CEP135: variants seen among roughly 807,000 people sequenced by gnomAD.
The protein encoded by CEP135 is centrosomal protein of 135 kDa.
In CEP135, 142 loss-of-function variants were observed where a neutral mutation model predicts 157.3. The ratio of observed to expected loss-of-function variants is 0.90; its 90% CI spans 0.79 to 1.04. CEP135 has a LOEUF of 1.04. Among genes scored for constraint, CEP135 ranks in the 50% least tolerant of loss-of-function variants. The probability of loss-of-function intolerance (pLI) is 0.00; values close to 1 mark genes in which losing one functional copy is unlikely to be tolerated. For synonymous variants in CEP135, 396 were observed against 439.8 expected (o/e 0.90, Z 1.25); for missense variants, 1,317 against 1,309.2 (o/e 1.01, Z -0.09).
chr4:55,993,099 G>T (rs1486221342), intron 15 of CEP135, among the ~76,000 whole-genome samples: 2 of 152,112 alleles, frequency 1.3e-5, no homozygotes, highest in Non-Finnish European at 1.5e-5. Flanking sequence ...TTAAAAAAAA[G>T]ATTTAACAAA....
At chr4:55,995,398 G>A (rs577018119) in intron 15 of CEP135, among the ~76,000 whole-genome samples, 1 of 152,318 alleles carries the variant, frequency 6.6e-6, no homozygotes, top group East Asian at 1.9e-4. Flanking sequence ...AAGCGAAACA[G>A]AGGGTTGAGG....
At chr4:55,991,902 A>G in intron 14 of CEP135, 32 bp from the exon 15 acceptor site, 1 of 1,164,890 alleles carries the variant, frequency 8.6e-7, no homozygotes, top group Non-Finnish European at 1.2e-6. Flanking sequence ...GTATTAAGAT[A>G]TATACCTACT....
intron 6 of CEP135, 114 bp from the exon 7 acceptor site, chr4:55,964,160 A>T (rs1226394276): frequency 3.2e-6 from 3 of 930,004 alleles, no homozygotes; most frequent in Non-Finnish European, 4.7e-6. Context: ...ATGAATGTTA[A>T]TCTCTTGCAT....
At position 55,999,650 on chromosome 4, in the gene CEP135, G is replaced by A. The variant is rs566058079; in HGVS notation, c.2280+5G>A. 1.9e-6 allele frequency: 3 copies of A among 1,579,512 alleles called. No homozygotes were observed. In the African/African-American group the frequency reaches 4.1e-5, roughly 22 times the overall value. ...CAAGAAAACCTAGCTAATAAAGTAT[G>A]TGATCGTTTAATGTAATTTTCCAGC... On this transcript the variant is annotated splice_donor_5th_base_variant and intron_variant, in intron 17 of 25. Transcript: ENST00000257287.
At chr4:55,950,247 T>G (rs1560393698) in intron 1 of CEP135, among the ~76,000 whole-genome samples, 1 of 152,212 alleles carries the variant, frequency 6.6e-6, no homozygotes, top group Non-Finnish European at 1.5e-5. Context: ...CCCGTGGTTT[T>G]GGAAGAGTTA....
Position 55,969,099 on chromosome 4 carries a change from C to T in CEP135, c.1081C>T (p.Leu361Phe). The change falls in exon 9 of 26, where the codon CTT becomes TTT. Residue 361 changes from leucine (L) to phenylalanine (F), a missense_variant. Leu to Phe is a conservative substitution (Grantham distance 22). Coordinates refer to ENST00000257287, the MANE Select transcript of CEP135 (RefSeq NM_025009.5). The stretch of plus-strand genomic sequence containing the variant: ...AAGAAAGCTCTCTGAAATGCAGGAT[C>T]TTGAAGAAACAATGGCAAAACTTCA... ...IKRKLSEMQD[L>F]EETMAKLQLE... is the part of the protein sequence containing the mutation. 6.2e-7 allele frequency: 1 copy of T among 1,613,082 alleles called. No homozygotes were observed. Among genetic ancestry groups the T allele is most frequent in the Non-Finnish European group, 8.5e-7 (1 of 1,179,572 alleles).
At chr4:56,011,735 T>G in intron 20 of CEP135, 65 bp from the exon 21 acceptor site, 2 of 1,324,840 alleles carry the variant, frequency 1.5e-6, no homozygotes, top group Admixed American at 2.4e-5. Context: ...TATGTGTTTA[T>G]GACATAGGTG....
intron 11 of CEP135, among the ~76,000 whole-genome samples, chr4:55,976,378 T>C (rs1729217802): frequency 6.6e-6 from 1 of 152,230 alleles, no homozygotes; most frequent in African/African-American, 2.4e-5. Flanking sequence ...AGTGACTGAA[T>C]TGATCATTTT....
rs1730824213 is a variant in CEP135 at position 56,017,708 on chromosome 4, C to T, written c.2863C>T (p.Arg955Ter). The T allele has an allele frequency of 3.1e-6, 5 of 1,613,600 alleles. No individual in the cohort carries two copies. The highest frequency in any genetic ancestry group is 2.2e-5 in the East Asian group (1 of 44,834). ...QISSMAKAMS[R>*]LEEELRHQED... ...CTCATCAATGGCAAAAGCCATGTCTCGATTAGAAGAAGAGCTGAGACATCA... is the reference window on the plus strand; with the variant it reads ...CTCATCAATGGCAAAAGCCATGTCTTGATTAGAAGAAGAGCTGAGACATCA... Residue 955 changes from arginine to a stop codon, truncating the protein, a stop_gained, in exon 22 of 26, where the codon CGA becomes TGA. Coordinates refer to ENST00000257287, the MANE Select transcript of CEP135 (RefSeq NM_025009.5). LOFTEE classifies it high-confidence loss of function.
chr4:56,000,723 T>C (rs902152219), intron 17 of CEP135, among the ~76,000 whole-genome samples: 1 of 152,240 alleles, frequency 6.6e-6, no homozygotes, highest in Admixed American at 6.5e-5. Flanking sequence ...CGGGGGCAGA[T>C]ATTTCTTTGA....
intron 14 of CEP135, among the ~76,000 whole-genome samples, chr4:55,990,254 G>A (rs367764984): frequency 2.0e-5 from 3 of 152,106 alleles, no homozygotes; most frequent in South Asian, 2.1e-4. Context: ...TAAAAACCTC[G>A]CTTCTAGAGC....
chr4:56,021,174 A>G (rs1278682738), intron 24 of CEP135, among the ~76,000 whole-genome samples: 1 of 152,248 alleles, frequency 6.6e-6, no homozygotes, highest in Admixed American at 6.5e-5. Context: ...TGTATGGTTC[A>G]AGTAGGATGT....
At chr4:55,974,298 T>G (rs192542446) in intron 10 of CEP135, among the ~76,000 whole-genome samples, 14 of 152,348 alleles carry the variant, frequency 9.2e-5, no homozygotes, top group Admixed American at 3.9e-4. Flanking sequence ...GCAATTTCTA[T>G]GGTAAAAGCT....
At chr4:56,022,130 G>A (rs1174174301) in intron 24 of CEP135, among the ~76,000 whole-genome samples, 2 of 152,166 alleles carry the variant, frequency 1.3e-5, no homozygotes, top group Admixed American at 1.3e-4. Flanking sequence ...GTTTCTGAAT[G>A]TACTAAACTG....
intron 5 of CEP135, among the ~76,000 whole-genome samples, chr4:55,958,398 G>A (rs1728570144): frequency 6.6e-6 from 1 of 152,208 alleles, no homozygotes; most frequent in Admixed American, 6.5e-5. Context: ...TTGAACCACT[G>A]CACTTCAGCC....
chr4:55,964,181 A>G lies in CEP135; in HGVS notation c.700-93A>G, dbSNP rs973035419. On this transcript the variant is annotated intron_variant, in intron 6 of 25. Coordinates refer to ENST00000257287, the MANE Select transcript of CEP135 (RefSeq NM_025009.5). ...GTTAATCTCTTGCATACATTGGTAC[A>G]TAAGAAAATATATCCAAATAAATGT... The G allele has an allele frequency of 4.8e-5, 60 of 1,248,076 alleles. 1 individual carries two copies. In the Admixed American group the frequency reaches 8.9e-4, roughly 19 times the overall value. The allele number at this position is 1,248,076 out of a possible 1,614,324, so 77.3% of individuals were successfully genotyped here.
chr4:56,011,711 A>G, intron 20 of CEP135, 89 bp from the exon 21 acceptor site: 2 of 1,110,792 alleles, frequency 1.8e-6, no homozygotes, highest in Non-Finnish European at 2.6e-6. Flanking sequence ...TTAGAACAGA[A>G]TGCTGTGTAT....
intron 23 of CEP135, among the ~76,000 whole-genome samples, chr4:56,019,799 C>T (rs1730912559): frequency 1.3e-5 from 2 of 151,602 alleles, no homozygotes; most frequent in Admixed American, 1.3e-4. Flanking sequence ...AAAAGCCAGG[C>T]GTGGTGGCAC....
intron 25 of CEP135, among the ~76,000 whole-genome samples, chr4:56,025,101 T>C (rs2969532): frequency 0.21 from 31,890 of 152,010 alleles, 4,213 homozygotes; most frequent in East Asian, 0.36. Flanking sequence ...GAGGCTGCAG[T>C]GAACTGTGAT....
Sources: allele counts gnomAD v4.1 joint callset (sites outside exome capture counted in the v4.1 genomes callset), GRCh38; gene constraint gnomAD v4.1.1; transcripts MANE v1.5; gene names NCBI Gene and HGNC (gene_info 2026-07-23, HGNC 2026-07-21).